NSMCE2: variants seen among roughly 807,000 people sequenced by gnomAD.
NSMCE2 encodes NSE2 SUMO ligase component of SMC5/6 complex, also known as E3 SUMO-protein ligase NSE2.
In NSMCE2, 24 loss-of-function variants were observed where a neutral mutation model predicts 23.8. That is an observed-to-expected ratio of 1.01 (90% CI 0.73 to 1.42). NSMCE2 has a LOEUF of 1.42. Among genes scored for constraint, NSMCE2 ranks in the 40% most tolerant of loss-of-function variants. NSMCE2 has a pLI of 0.00. For missense variants in NSMCE2, 284 were observed against 296.5 expected, an observed-to-expected ratio of 0.96 and a Z score of 0.31; for synonymous variants, 92 against 94.1, an observed-to-expected ratio of 0.98 and a Z score of 0.13.
At chr8:125,217,351 A>T (rs951622427) in intron 5 of NSMCE2, among the ~76,000 whole-genome samples, 1 of 149,884 alleles carries the variant, frequency 6.7e-6, no homozygotes, top group African/African-American at 2.4e-5. Context: ...TTATTTATTT[A>T]TTTATTTATT....
intron 5 of NSMCE2, among the ~76,000 whole-genome samples, chr8:125,278,026 G>A (rs905930057): frequency 6.6e-6 from 1 of 152,142 alleles, no homozygotes; most frequent in Non-Finnish European, 1.5e-5. Context: ...TCCAGAAAAC[G>A]AACATACTTG....
At chr8:125,116,301 A>G (rs897464584) in intron 3 of NSMCE2, among the ~76,000 whole-genome samples, 1 of 152,252 alleles carries the variant, frequency 6.6e-6, no homozygotes, top group South Asian at 2.1e-4. Context: ...AGTATGGCAC[A>G]CAGGCTCATA....
chr8:125,188,344 G>T (rs1001099608), intron 5 of NSMCE2, among the ~76,000 whole-genome samples: 1 of 152,120 alleles, frequency 6.6e-6, no homozygotes, highest in Non-Finnish European at 1.5e-5. Flanking sequence ...TGAGGCCTAG[G>T]TACAGTGTAG....
rs368068473 is a variant in NSMCE2 at position 125,282,464 on chromosome 8, C to T, written c.419-74755C>T. 2.6e-4 allele frequency among the ~76,000 whole-genome samples: 40 copies of T among 152,262 alleles called. 1 individual carries two copies. The highest frequency in any genetic ancestry group is 1.0e-3 in the Admixed American group (16 of 15,290). On this transcript the variant is annotated intron_variant, in intron 5 of 7. Transcript: ENST00000287437. ...CTATTGATTGAAATTTGAAATGCAA[C>T]GTTTAGCTAAACAAAACCTATTTGC... is the stretch of plus-strand genomic sequence containing the variant.
intron 5 of NSMCE2, among the ~76,000 whole-genome samples, chr8:125,336,290 C>T (rs1223466459): frequency 6.6e-6 from 1 of 152,206 alleles, no homozygotes; most frequent in Admixed American, 6.5e-5. Flanking sequence ...CAATTCAATA[C>T]TCAGTTAAAT....
At chr8:125,218,789 G>A (rs1236976603) in intron 5 of NSMCE2, among the ~76,000 whole-genome samples, 6 of 152,010 alleles carry the variant, frequency 3.9e-5, no homozygotes, top group Admixed American at 3.3e-4. Flanking sequence ...GATCTGTTTC[G>A]CAACAACATG....
chr8:125,307,320 C>A (rs549260142), intron 5 of NSMCE2, among the ~76,000 whole-genome samples: 3 of 152,182 alleles, frequency 2.0e-5, no homozygotes, highest in Non-Finnish European at 2.9e-5. Flanking sequence ...TGGTGTATGG[C>A]GAGATGCCTA....
intron 5 of NSMCE2, among the ~76,000 whole-genome samples, chr8:125,237,821 C>A (rs1340039341): frequency 2.0e-5 from 3 of 152,112 alleles, no homozygotes; most frequent in Non-Finnish European, 4.4e-5. Flanking sequence ...CAGGTGATGC[C>A]CATCTGCATC....
rs138450338 is a variant in NSMCE2, at chr8:125,106,047, T to TACACACACAC, written c.157+3576_157+3585dup. Among the ~76,000 whole-genome samples the TACACACACAC allele has an allele frequency of 8.1e-4, 120 of 148,338 alleles. 1 individual carries two copies. The highest frequency in any genetic ancestry group is 3.5e-3 in the Middle Eastern group (1 of 288). On this transcript the variant is annotated intron_variant, in intron 3 of 7. Coordinates refer to ENST00000287437, the MANE Select transcript of NSMCE2 (RefSeq NM_173685.4). ...ATGAATACATGCGTGTGTGTGTGCA[T>TACACACACAC]ACACACACACACACACACACACACA... is the stretch of plus-strand genomic sequence containing the variant.
chr8:125,281,039 G>A (rs952781186), intron 5 of NSMCE2, among the ~76,000 whole-genome samples: 1 of 152,214 alleles, frequency 6.6e-6, no homozygotes, highest in Non-Finnish European at 1.5e-5. Context: ...GTCGGTGAAT[G>A]CAGATGTCAC....
chr8:125,365,866 AAATT>A (rs1385774810), intron 7 of NSMCE2, among the ~76,000 whole-genome samples: 5 of 152,194 alleles, frequency 3.3e-5, no homozygotes, highest in African/African-American at 1.2e-4. Context: ...CAAAATAAAT[AAATT>A]AATTAAATTA....
At chr8:125,304,834 G>A (rs1586743537) in intron 5 of NSMCE2, among the ~76,000 whole-genome samples, 1 of 150,554 alleles carries the variant, frequency 6.6e-6, no homozygotes, top group African/African-American at 2.4e-5. Context: ...GTTACAGTGA[G>A]CTGAGATCGT....
chr8:125,286,733 T>A (rs1827920346), intron 5 of NSMCE2, among the ~76,000 whole-genome samples: 1 of 148,562 alleles, frequency 6.7e-6, no homozygotes. Context: ...GTTTATAGCA[T>A]CTCTTCTCCA....
At chr8:125,218,413 G>C (rs1434100526) in intron 5 of NSMCE2, among the ~76,000 whole-genome samples, 1 of 140,506 alleles carries the variant, frequency 7.1e-6, no homozygotes, top group Non-Finnish European at 1.5e-5. Context: ...AAAAATTGAG[G>C]GTTTTTTTTT....
chr8:125,128,139 G>A (rs1048921347), intron 3 of NSMCE2, among the ~76,000 whole-genome samples: 7 of 152,188 alleles, frequency 4.6e-5, no homozygotes, highest in African/African-American at 1.7e-4. Context: ...GTGGTAGTAG[G>A]CTCTTGTAAG....
At chr8:125,227,004 T>G (rs570078378) in intron 5 of NSMCE2, among the ~76,000 whole-genome samples, 20 of 152,184 alleles carry the variant, frequency 1.3e-4, no homozygotes, top group East Asian at 1.9e-4. Context: ...CCCCTTTGCC[T>G]AGGGACTCAC....
intron 5 of NSMCE2, among the ~76,000 whole-genome samples, chr8:125,327,310 C>T (rs191003041): frequency 4.4e-4 from 66 of 148,490 alleles, no homozygotes; most frequent in South Asian, 1.3e-3. Flanking sequence ...AAATTGGGAA[C>T]TATAATTGAA....
intron 5 of NSMCE2, among the ~76,000 whole-genome samples, chr8:125,185,585 C>T (rs532468801): frequency 1.1e-4 from 16 of 152,290 alleles, no homozygotes; most frequent in Admixed American, 8.5e-4. Context: ...GGATTACAGG[C>T]GTGAGCCACT....
intron 4 of NSMCE2, among the ~76,000 whole-genome samples, chr8:125,159,688 G>C (rs1358783659): frequency 6.6e-6 from 1 of 152,180 alleles, no homozygotes; most frequent in Admixed American, 6.5e-5. Flanking sequence ...CTGTGGATAA[G>C]GGTGGACTGC....
Sources: allele counts gnomAD v4.1 joint callset (sites outside exome capture counted in the v4.1 genomes callset), GRCh38; gene constraint gnomAD v4.1.1; transcripts MANE v1.5; gene names NCBI Gene and HGNC (gene_info 2026-07-23, HGNC 2026-07-21).